SLC2A3: variants seen among roughly 807,000 people sequenced by gnomAD.
The protein encoded by SLC2A3 is solute carrier family 2 member 3.
Under a neutral mutation model 46.4 loss-of-function variants are expected in SLC2A3, and 21 were observed. That is an observed-to-expected ratio of 0.45 (90% CI 0.32 to 0.65). SLC2A3 has a LOEUF of 0.65. Among genes scored for constraint, SLC2A3 ranks in the 30% least tolerant of loss-of-function variants. SLC2A3 has a pLI of 0.04. For synonymous variants in SLC2A3, 213 were observed against 239.4 expected (o/e 0.89, Z 1.02); for missense variants, 499 against 623.3 (o/e 0.80, Z 2.12).
intron 6 of SLC2A3, among the ~76,000 whole-genome samples, chr12:7,928,393 G>C (rs1421257143): frequency 6.7e-6 from 1 of 150,140 alleles, no homozygotes. Flanking sequence ...GTGAGACTCT[G>C]TTTCAAAAAA....
chr12:7,930,291 C>A, intron 5 of SLC2A3, 189 bp downstream of exon 5: 1 of 618,544 alleles, frequency 1.6e-6, no homozygotes, highest in South Asian at 2.2e-5. Context: ...TGATAGCATC[C>A]ATTCCTAAAC....
At chr12:7,930,060 C>T in intron 5 of SLC2A3, 189 bp from the exon 6 acceptor site, 1 of 1,210,082 alleles carries the variant, frequency 8.3e-7, no homozygotes, top group South Asian at 1.7e-5. Flanking sequence ...ATCTCAGCTC[C>T]CTGCAACCTC....
rs17847965 is a variant in SLC2A3 at position 7,933,691 on chromosome 12, G to A, written c.108+119C>T. On this transcript the variant is annotated intron_variant, in intron 2 of 9. Coordinates refer to ENST00000075120, the MANE Select transcript of SLC2A3 (RefSeq NM_006931.3). Reference sequence around the variant, plus strand: ...TGATCTTTAAGCCTCAGCCTCAGGAGTAGCTGGGACTCCAGGCAGATGCCA... The same window carrying A: ...TGATCTTTAAGCCTCAGCCTCAGGAATAGCTGGGACTCCAGGCAGATGCCA... 1,244 of 1,029,740 alleles carry A rather than the reference G, an allele frequency of 1.2e-3. 11 individuals are homozygous for A. In the East Asian group the frequency reaches 0.022, roughly 18 times the overall value. 63.8% of individuals were successfully genotyped at this position (1,029,740 alleles called of 1,614,324 possible).
Position 7,931,350 on chromosome 12 carries a change from T to C in SLC2A3, c.405A>G (p.Thr135=). Residue 135 remains threonine (T), a synonymous_variant, in exon 4 of 10, where the codon ACA becomes ACG. Coordinates refer to ENST00000075120, the MANE Select transcript of SLC2A3 (RefSeq NM_006931.3). ...CTCCAATGTACATGGGCACAAAACCTGTGCAGAGTCCGCAGAAGAGGCCAA... is the reference window on the plus strand; with the variant it reads ...CTCCAATGTACATGGGCACAAAACCCGTGCAGAGTCCGCAGAAGAGGCCAA... ...LVIGLFCGLC[T]GFVPMYIGEI... 1 of 1,614,134 alleles carries C rather than the reference T, an allele frequency of 6.2e-7. No individual in the cohort carries two copies. Among genetic ancestry groups the C allele is most frequent in the South Asian group, 1.1e-5 (1 of 91,086 alleles).
rs1946171034 is a variant in SLC2A3, at chr12:7,932,834, G to GAGC, written c.269+152_269+153insGCT. 4 of 1,125,952 alleles carry GAGC rather than the reference G, an allele frequency of 3.6e-6. No individual in the cohort carries two copies. In the Admixed American group the frequency reaches 8.1e-5, roughly 23 times the overall value. The allele number at this position is 1,125,952 out of a possible 1,614,324, so 69.7% of individuals were successfully genotyped here. A position where few individuals can be genotyped will look rare whatever the true frequency, so the allele number is the denominator to read the frequency against. ...GGTAGTAGAGCTCCAAGCAAGGGCAGTCATATTCGGGGCCAGTTGGACTAG... is the reference window on the plus strand; with the variant it reads ...GGTAGTAGAGCTCCAAGCAAGGGCAGAGCTCATATTCGGGGCCAGTTGGACTAG... On this transcript the variant is annotated intron_variant, in intron 3 of 9. Transcript: ENST00000075120.
chr12:7,923,486 G>A (rs775045706), intron 8 of SLC2A3, among the ~76,000 whole-genome samples: 3 of 152,100 alleles, frequency 2.0e-5, no homozygotes, highest in East Asian at 1.9e-4. Context: ...GTGGTGGCAC[G>A]TGCCTATAAT....
chr12:7,924,059 C>T (rs966003351), intron 8 of SLC2A3, among the ~76,000 whole-genome samples: 20 of 152,068 alleles, frequency 1.3e-4, no homozygotes, highest in Admixed American at 4.6e-4. Flanking sequence ...TGAGCCACCG[C>T]GCCCAGCTGA....
At chr12:7,926,575 G>T (rs192381898) in intron 6 of SLC2A3, among the ~76,000 whole-genome samples, 1 of 152,170 alleles carries the variant, frequency 6.6e-6, no homozygotes, top group East Asian at 1.9e-4. Flanking sequence ...TGTTGCCCAG[G>T]CTGGTCCTAA....
At position 7,921,243 on chromosome 12, in the gene SLC2A3, T is replaced by C. The variant is rs148642648; in HGVS notation, c.*170A>G. ...CCAGGAAATAAAATTTAAAAAGCCA[T>C]TGAAGATCCAACAAACCGCAGCCTT... On this transcript the variant is annotated 3_prime_UTR_variant, in exon 10 of 10. Coordinates refer to ENST00000075120, the MANE Select transcript of SLC2A3 (RefSeq NM_006931.3). The C allele has an allele frequency of 7.5e-6, 10 of 1,334,940 alleles. No homozygotes were observed. Among genetic ancestry groups the C allele is most frequent in the South Asian group, 5.5e-5 (4 of 72,410 alleles). The allele number at this position is 1,334,940 out of a possible 1,614,324, so 82.7% of individuals were successfully genotyped here. A position where few individuals can be genotyped will look rare whatever the true frequency, so the allele number is the denominator to read the frequency against.
rs1170828490 is a variant in SLC2A3 at position 7,920,864 on chromosome 12, C to G, written c.*549G>C. The G allele has an allele frequency of 6.1e-6, 1 of 162,930 alleles. No individual in the cohort carries two copies. Among genetic ancestry groups the G allele is most frequent in the Non-Finnish European group, 1.4e-5 (1 of 73,700 alleles). 10.1% of individuals were successfully genotyped at this position (162,930 alleles called of 1,614,324 possible). ...GCATATATATACCTATGTAACAAAC[C>G]TGCACATTCGGCACATGTATCCTGA... On this transcript the variant is annotated 3_prime_UTR_variant, in exon 10 of 10. Coordinates refer to ENST00000075120, the MANE Select transcript of SLC2A3 (RefSeq NM_006931.3).
intron 6 of SLC2A3, 99 bp from the exon 7 acceptor site, chr12:7,926,047 CT>C: frequency 1.0e-6 from 1 of 987,118 alleles, no homozygotes; most frequent in Non-Finnish European, 1.6e-6. Flanking sequence ...GTAAGAAGTC[CT>C]TTTTCTAGGT....
intron 6 of SLC2A3, among the ~76,000 whole-genome samples, chr12:7,927,193 TAG>T (rs1431409444): frequency 1.3e-5 from 2 of 152,174 alleles, no homozygotes; most frequent in East Asian, 1.9e-4. Flanking sequence ...CTGAGATTTG[TAG>T]AGTCATTATT....
At chr12:7,925,696 A>T (rs1356592574) in intron 7 of SLC2A3, 148 bp downstream of exon 7, 1 of 649,886 alleles carries the variant, frequency 1.5e-6, no homozygotes, top group Non-Finnish European at 2.7e-6. Context: ...TGAAGACTAC[A>T]TCCAACATTA....
At chr12:7,925,155 G>C (rs1480700173) in intron 7 of SLC2A3, among the ~76,000 whole-genome samples, 1 of 152,206 alleles carries the variant, frequency 6.6e-6, no homozygotes, top group African/African-American at 2.4e-5. Context: ...TCCAGACCTC[G>C]CCCCGTGAAT....
chr12:7,930,656 A>G lies in SLC2A3; in HGVS notation c.511-14T>C. 6.2e-7 allele frequency: 1 copy of G among 1,611,088 alleles called. No individual in the cohort carries two copies. The highest frequency in any genetic ancestry group is 2.2e-5 in the East Asian group (1 of 44,862). On this transcript the variant is annotated splice_polypyrimidine_tract_variant and intron_variant, in intron 4 of 9. Coordinates refer to ENST00000075120, the MANE Select transcript of SLC2A3 (RefSeq NM_006931.3). ...CAGACCAAAGATCTAGAAACCACAC[A>G]AAGATAATGCTATAAACCCCATACT...
chr12:7,931,043 A>G (rs1008890438), intron 4 of SLC2A3, among the ~76,000 whole-genome samples: 4 of 151,896 alleles, frequency 2.6e-5, no homozygotes, highest in South Asian at 2.1e-4. Flanking sequence ...TGATCTGCCC[A>G]CCTCGGCCTC....
chr12:7,932,614 T>G (rs879834230), intron 3 of SLC2A3: 1 of 182,048 alleles, frequency 5.5e-6, no homozygotes, highest in African/African-American at 2.4e-5. Context: ...CAAAAATAAT[T>G]CCTACCAATC....
intron 4 of SLC2A3, among the ~76,000 whole-genome samples, chr12:7,931,026 G>GACCTCGTGATCTGCCC (rs1946148807): frequency 1.3e-5 from 2 of 152,126 alleles, no homozygotes; most frequent in South Asian, 4.2e-4. Context: ...TTCATCTGCT[G>GACCTCGTGATCTGCCC]ACCTCGTGAT....
intron 5 of SLC2A3, chr12:7,930,078 C>T (rs903210869): frequency 3.7e-5 from 39 of 1,055,830 alleles, no homozygotes; most frequent in East Asian, 5.7e-5. Flanking sequence ...CTCCACTTCC[C>T]GGGTTCACAC....
Sources: allele counts gnomAD v4.1 joint callset (sites outside exome capture counted in the v4.1 genomes callset), GRCh38; gene constraint gnomAD v4.1.1; transcripts MANE v1.5; gene names NCBI Gene and HGNC (gene_info 2026-07-23, HGNC 2026-07-21).